GSAP: variants seen among roughly 807,000 people sequenced by gnomAD.
The protein encoded by GSAP is gamma-secretase activating protein.
In GSAP, 118 loss-of-function variants were observed where a neutral mutation model predicts 131.7. The observed-to-expected ratio is 0.90, with a 90% confidence interval of 0.77 to 1.04. The LOEUF (loss-of-function observed/expected upper bound fraction) is 1.04. GSAP is among the 50% of genes least tolerant of loss of function. The probability of loss-of-function intolerance (pLI) is 0.00; values close to 1 mark genes in which losing one functional copy is unlikely to be tolerated. For missense variants in GSAP, 1,019 were observed against 1,013.2 expected (o/e 1.01, Z -0.08); for synonymous variants, 381 against 363.4 (o/e 1.05, Z -0.55).
intron 12 of GSAP, among the ~76,000 whole-genome samples, chr7:77,373,099 T>C (rs370139081): frequency 2.0e-5 from 3 of 152,142 alleles, no homozygotes; most frequent in Non-Finnish European, 2.9e-5. Context: ...GAAATGAGGA[T>C]GGACTGGCTG....
intron 12 of GSAP, among the ~76,000 whole-genome samples, chr7:77,367,612 TTGA>T (rs1232983631): frequency 2.6e-5 from 4 of 152,330 alleles, no homozygotes; most frequent in Middle Eastern, 3.4e-3. Context: ...TCCATGTATT[TTGA>T]TGATTTTTGC....
At chr7:77,390,864 G>GGA (rs1799355865) in intron 5 of GSAP, among the ~76,000 whole-genome samples, 1 of 143,132 alleles carries the variant, frequency 7.0e-6, no homozygotes, top group Non-Finnish European at 1.5e-5. Context: ...CAGGAGACTC[G>GGA]CTTGAAACCA....
chr7:77,360,592 A>G (rs1234698007), intron 14 of GSAP, among the ~76,000 whole-genome samples: 1 of 152,202 alleles, frequency 6.6e-6, no homozygotes, highest in Non-Finnish European at 1.5e-5. Flanking sequence ...TAGGTTCTCT[A>G]AAAAGGGAAG....
intron 12 of GSAP, among the ~76,000 whole-genome samples, chr7:77,364,464 C>A (rs1238967571): frequency 5.1e-5 from 7 of 136,408 alleles, no homozygotes; most frequent in African/African-American, 2.0e-4. Flanking sequence ...TAGGTGGAAA[C>A]TGAACAATGA....
At chr7:77,377,003 T>C (rs1166205664) in intron 9 of GSAP, 96 bp from the exon 10 acceptor site, 3 of 739,618 alleles carry the variant, frequency 4.1e-6, no homozygotes, top group Non-Finnish European at 6.8e-6. Context: ...TCAATGAAAA[T>C]GTAATGATTA....
intron 5 of GSAP, among the ~76,000 whole-genome samples, chr7:77,393,865 G>T (rs28501185): frequency 1.3e-5 from 2 of 151,664 alleles, no homozygotes; most frequent in East Asian, 3.9e-4. Context: ...GTAAAGACAG[G>T]GTTTCACCAC....
chr7:77,358,528 A>C (rs931929634), intron 14 of GSAP, among the ~76,000 whole-genome samples: 8 of 152,234 alleles, frequency 5.3e-5, no homozygotes, highest in Non-Finnish European at 1.2e-4. Flanking sequence ...TAATTTCAAG[A>C]AAATACTTTA....
chr7:77,384,068 A>C (rs1798185928), intron 6 of GSAP, among the ~76,000 whole-genome samples: 2 of 152,260 alleles, frequency 1.3e-5, no homozygotes, highest in African/African-American at 4.8e-5. Flanking sequence ...AATTTGTAAA[A>C]TGTCACACAT....
intron 18 of GSAP, chr7:77,351,155 C>G: frequency 4.1e-6 from 4 of 980,444 alleles, no homozygotes; most frequent in Non-Finnish European, 4.8e-6. Context: ...CAACTAAGTT[C>G]TTCAATGTGA....
intron 13 of GSAP, among the ~76,000 whole-genome samples, chr7:77,361,625 T>C (rs989989367): frequency 1.3e-5 from 2 of 152,202 alleles, no homozygotes; most frequent in Non-Finnish European, 2.9e-5. Flanking sequence ...CTTGGCATAA[T>C]TGTTTTTAAA....
chr7:77,416,337 A>G lies in GSAP; in HGVS notation c.-16T>C. The G allele has an allele frequency of 6.9e-7, 1 of 1,451,276 alleles. No individual in the cohort carries two copies. The highest frequency in any genetic ancestry group is 3.0e-5 in the East Asian group (1 of 33,350). The allele number at this position is 1,451,276 out of a possible 1,614,324, so 89.9% of individuals were successfully genotyped here. On this transcript the variant is annotated 5_prime_UTR_variant, in exon 1 of 31. Coordinates refer to ENST00000257626, the MANE Select transcript of GSAP (RefSeq NM_017439.4). ...GAAGAGCCATCGCCCGGACACGACC[A>G]CCGGGCGGCTCTGGGGCCCCGCACC...
chr7:77,383,307 A>C (rs1271279835), intron 6 of GSAP, among the ~76,000 whole-genome samples: 1 of 141,338 alleles, frequency 7.1e-6, no homozygotes, highest in Non-Finnish European at 1.5e-5. Flanking sequence ...ATTTATACAA[A>C]ATGTTCTATT....
Position 77,353,635 on chromosome 7 carries a change from G to A in GSAP, c.1345C>T (p.Gln449Ter). ...GAQFLEAQII[Q>*]WISENVSACH... ...GCAGAGACATTCTCAGAAATCCACT[G>A]AATAATCTTTAAAAAGTCAGACAGA... is the stretch of plus-strand genomic sequence containing the variant. The change falls in exon 17 of 31, where the codon CAG becomes TAG. Residue 449 changes from glutamine (Q) to a stop codon, truncating the protein, a stop_gained. Transcript: ENST00000257626. LOFTEE classifies it high-confidence loss of function. 2 of 1,604,420 alleles carry A rather than the reference G, an allele frequency of 1.2e-6. No individual in the cohort carries two copies. The highest frequency in any genetic ancestry group is 2.2e-5 in the East Asian group (1 of 44,752).
At chr7:77,387,337 TG>T in intron 6 of GSAP, 22 bp downstream of exon 6, 1 of 1,187,534 alleles carries the variant, frequency 8.4e-7, no homozygotes, top group Non-Finnish European at 1.3e-6. Flanking sequence ...ATGAGATAAG[TG>T]ATAAATGGCA....
At chr7:77,384,887 G>A (rs563458645) in intron 6 of GSAP, among the ~76,000 whole-genome samples, 1 of 152,266 alleles carries the variant, frequency 6.6e-6, no homozygotes, top group East Asian at 1.9e-4. Context: ...GTTTAGAGGA[G>A]TTTCTCTCTC....
intron 19 of GSAP, among the ~76,000 whole-genome samples, chr7:77,347,530 G>A (rs1014300953): frequency 5.3e-5 from 8 of 152,084 alleles, no homozygotes; most frequent in African/African-American, 1.9e-4. Context: ...CAGTGTGAGA[G>A]AGAGGGAAAA....
chr7:77,387,444 T>G lies in GSAP; in HGVS notation c.372A>C (p.Ser124=). The change falls in exon 6 of 31, where the codon TCA becomes TCC. Residue 124 remains serine (S), a synonymous_variant. Coordinates refer to ENST00000257626, the MANE Select transcript of GSAP (RefSeq NM_017439.4). Reference sequence around the variant, plus strand: ...TTTCAACCAACAAAGTCAAGCACTTTGATCCTACAGAGAAAAGAAGGCTTT... The same window carrying G: ...TTTCAACCAACAAAGTCAAGCACTTGGATCCTACAGAGAAAAGAAGGCTTT... The part of the protein sequence containing the change: ...EGKRNELQPG[S]KCLTLLVEIH... The G allele has an allele frequency of 6.4e-7, 1 of 1,564,402 alleles. No individual in the cohort carries two copies. The highest frequency in any genetic ancestry group is 8.8e-7 in the Non-Finnish European group (1 of 1,134,882).
rs548437669 is a variant in GSAP at position 77,365,119 on chromosome 7, T to C, written c.872-2459A>G. 2.0e-4 allele frequency among the ~76,000 whole-genome samples: 31 copies of C among 152,054 alleles called. No homozygotes were observed. In the South Asian group the frequency reaches 6.0e-3, roughly 30 times the overall value. On this transcript the variant is annotated intron_variant, in intron 12 of 30. Transcript: ENST00000257626. ...AGGACTACATGTGTGCCTGGCTAATTATTTTATTTTTTTTAAGAGATGGAG... is the reference window on the plus strand; with the variant it reads ...AGGACTACATGTGTGCCTGGCTAATCATTTTATTTTTTTTAAGAGATGGAG...
At chr7:77,338,248 C>T (rs1484099709) in intron 19 of GSAP, among the ~76,000 whole-genome samples, 1 of 152,148 alleles carries the variant, frequency 6.6e-6, no homozygotes, top group Non-Finnish European at 1.5e-5. Flanking sequence ...TGCCGTTTCC[C>T]TAGAGCAATC....
Sources: allele counts gnomAD v4.1 joint callset (sites outside exome capture counted in the v4.1 genomes callset), GRCh38; gene constraint gnomAD v4.1.1; transcripts MANE v1.5; gene names NCBI Gene and HGNC (gene_info 2026-07-23, HGNC 2026-07-21).